The following METTL15 variants were observed in gnomAD, a reference collection of about 807,000 sequenced individuals.
METTL15 encodes methyltransferase 15, mitochondrial 12S rRNA N4-cytidine, also known as 12S rRNA N(4)-cytidine methyltransferase METTL15.
A neutral mutation model predicts 38.3 loss-of-function variants in METTL15; 34 were observed. That is an observed-to-expected ratio of 0.89 (90% CI 0.68 to 1.18). The LOEUF (loss-of-function observed/expected upper bound fraction) is 1.18. Among genes scored for constraint, METTL15 ranks in the 50% most tolerant of loss-of-function variants. The probability of loss-of-function intolerance (pLI) is 0.00; values close to 1 mark genes in which losing one functional copy is unlikely to be tolerated. For synonymous variants in METTL15, 162 were observed against 170.9 expected, an observed-to-expected ratio of 0.95 and a Z score of 0.41; for missense variants, 438 against 498.4, an observed-to-expected ratio of 0.88 and a Z score of 1.15.
At chr11:28,321,559 G>A (rs2070033832) in intron 6 of METTL15, among the ~76,000 whole-genome samples, 1 of 152,020 alleles carries the variant, frequency 6.6e-6, no homozygotes, top group African/African-American at 2.4e-5. Context: ...GAAATACTAT[G>A]TTTCCTGGAT....
chr11:28,287,058 T>C (rs1402606887), intron 4 of METTL15, among the ~76,000 whole-genome samples: 2 of 150,902 alleles, frequency 1.3e-5, no homozygotes, highest in Admixed American at 6.6e-5. Flanking sequence ...TACATATATA[T>C]GAGTGCATAT....
chr11:28,404,736 A>G (rs1021570569), intron 5 of METTL15, among the ~76,000 whole-genome samples: 3 of 152,152 alleles, frequency 2.0e-5, no homozygotes, highest in Non-Finnish European at 4.4e-5. Flanking sequence ...CCAACGTCGC[A>G]CTGCGAAGAT....
At chr11:28,119,433 A>G (rs1348510580) in intron 3 of METTL15, among the ~76,000 whole-genome samples, 1 of 152,196 alleles carries the variant, frequency 6.6e-6, no homozygotes, top group Non-Finnish European at 1.5e-5. Context: ...TCTCTGGCTC[A>G]AGACTTTTAT....
intron 3 of METTL15, among the ~76,000 whole-genome samples, chr11:28,169,949 T>C (rs1237874262): frequency 1.3e-5 from 2 of 152,208 alleles, no homozygotes; most frequent in African/African-American, 4.8e-5. Context: ...GATTTTCTTC[T>C]ACTCTGATAA....
intron 5 of METTL15, among the ~76,000 whole-genome samples, chr11:28,393,825 A>G (rs1850539131): frequency 6.6e-6 from 1 of 152,126 alleles, no homozygotes; most frequent in Non-Finnish European, 1.5e-5. Context: ...GATGAAGACC[A>G]TTGGAAGTCA....
intron 4 of METTL15, among the ~76,000 whole-genome samples, chr11:28,267,440 A>G (rs953850847): frequency 6.6e-6 from 1 of 152,180 alleles, no homozygotes; most frequent in Non-Finnish European, 1.5e-5. Flanking sequence ...TATTAAAATC[A>G]TAATTCCAGC....
rs1434421527 is a variant in METTL15, at chr11:28,292,416, C to T, written c.599+2019C>T. Among the ~76,000 whole-genome samples the T allele has an allele frequency of 5.9e-5, 9 of 152,126 alleles. No individual in the cohort carries two copies. The South Asian group carries it at 6.2e-4, about 11-fold the overall frequency. ...TCCTTTTTTATGGCTGCATAGTATT[C>T]CATGATGTATATGTGCCACATTTTC... is the stretch of plus-strand genomic sequence containing the variant. On this transcript the variant is annotated intron_variant, in intron 5 of 6. Coordinates refer to ENST00000407364, the MANE Select transcript of METTL15 (RefSeq NM_001113528.2).
At chr11:28,131,412 A>G (rs1254965629) in intron 3 of METTL15, among the ~76,000 whole-genome samples, 3 of 151,212 alleles carry the variant, frequency 2.0e-5, no homozygotes, top group African/African-American at 7.3e-5. Flanking sequence ...CCCAGTGAGA[A>G]TTCTTGACTG....
At chr11:28,502,373 C>T (rs900841523) in intron 6 of METTL15, among the ~76,000 whole-genome samples, 1 of 152,176 alleles carries the variant, frequency 6.6e-6, no homozygotes, top group Non-Finnish European at 1.5e-5. Flanking sequence ...ACCCTTGTAG[C>T]ATGGAAGAAG....
chr11:28,333,906 G>A (rs1157989431), downstream of METTL15, among the ~76,000 whole-genome samples: 1 of 151,576 alleles, frequency 6.6e-6, no homozygotes, highest in Non-Finnish European at 1.5e-5. Context: ...ATTTTCTTAA[G>A]TCTTTGCAGA....
At chr11:28,424,270 T>C (rs1257303042) in intron 5 of METTL15, 1 of 152,190 alleles carries the variant, frequency 6.6e-6, no homozygotes, top group Non-Finnish European at 1.5e-5. Context: ...TTTTCTTTTT[T>C]CCTGAACATT....
chr11:28,450,197 C>T (rs755442324), intron 6 of METTL15, among the ~76,000 whole-genome samples: 6 of 152,186 alleles, frequency 3.9e-5, no homozygotes, highest in African/African-American at 1.2e-4. Context: ...ACTAAGCCGA[C>T]GGAGGTCTTA....
At chr11:28,231,464 CTTTT>C (rs1282422605) in intron 4 of METTL15, among the ~76,000 whole-genome samples, 1 of 151,722 alleles carries the variant, frequency 6.6e-6, no homozygotes, top group Non-Finnish European at 1.5e-5. Context: ...ATAAAACAGG[CTTTT>C]TTTCTTATGG....
intron 6 of METTL15, among the ~76,000 whole-genome samples, chr11:28,429,266 CAATT>C (rs1466070337): frequency 2.0e-5 from 3 of 152,044 alleles, no homozygotes; most frequent in Non-Finnish European, 2.9e-5. Flanking sequence ...CCTTAGATGA[CAATT>C]AAAGAAGATC....
intron 6 of METTL15, among the ~76,000 whole-genome samples, chr11:28,319,897 G>A (rs779685200): frequency 2.0e-5 from 3 of 152,156 alleles, no homozygotes; most frequent in Non-Finnish European, 4.4e-5. Context: ...ATTGGTGTTT[G>A]GTTGTGGACT....
intron 4 of METTL15, among the ~76,000 whole-genome samples, chr11:28,268,631 T>C (rs145158430): frequency 6.8e-4 from 103 of 152,322 alleles, no homozygotes; most frequent in African/African-American, 2.3e-3. Flanking sequence ...AGTTTTAGGA[T>C]AAGGTAGTAC....
intron 6 of METTL15, among the ~76,000 whole-genome samples, chr11:28,324,495 A>G (rs1304243620): frequency 1.3e-5 from 2 of 152,158 alleles, no homozygotes; most frequent in Non-Finnish European, 2.9e-5. Flanking sequence ...TTAATTAAGG[A>G]TGTTCTCAAT....
rs569893597 is a variant in METTL15 at position 28,408,334 on chromosome 11, A to AAAC, written c.*359-15944_*359-15942dup. On this transcript the variant is annotated intron_variant and NMD_transcript_variant, in intron 5 of 7. Coordinates refer to the METTL15 transcript ENST00000532947. The stretch of plus-strand genomic sequence containing the variant: ...GTAAAATATAATTACATCACATTAA[A>AAAC]AACAACAACAACAACAACAACAAGA... 4.3e-3 allele frequency among the ~76,000 whole-genome samples: 659 copies of AAAC among 152,048 alleles called. 5 individuals are homozygous for AAAC. The highest frequency in any genetic ancestry group is 6.9e-3 in the Middle Eastern group (2 of 290).
chr11:28,322,695 C>T (rs1342051322), intron 6 of METTL15, among the ~76,000 whole-genome samples: 1 of 152,034 alleles, frequency 6.6e-6, no homozygotes, highest in Non-Finnish European at 1.5e-5. Context: ...ATATTTTTCC[C>T]AGACTGTGAC....
Sources: gnomAD v4.1 joint callset for allele counts (sites outside exome capture counted in the v4.1 genomes callset) on GRCh38, gnomAD v4.1.1 for gene constraint, MANE v1.5 for transcripts, NCBI Gene and HGNC (gene_info 2026-07-23, HGNC 2026-07-21) for gene names.